CIMIP5: variants seen among roughly 807,000 people sequenced by gnomAD.
CIMIP5 encodes the protein uncharacterized protein C2orf50.
At chr2:11,139,286 C>T in the CIMIP5 span, among the ~76,000 whole-genome samples, 21 of 152,166 alleles carry the variant, frequency 1.4e-4, no homozygotes, top group Non-Finnish European at 2.9e-4. Flanking sequence ...CATAATACAG[C>T]AGTAGAATCC....
At chr2:11,133,288 TC>T in the CIMIP5 span, 1 of 1,532,214 alleles carries the variant, frequency 6.5e-7, no homozygotes. Context: ...CAGGTCTCTC[TC>T]TCTCTCTCTC....
chr2:11,147,671 G>C, the CIMIP5 span, among the ~76,000 whole-genome samples: 2 of 152,212 alleles, frequency 1.3e-5, no homozygotes, highest in Non-Finnish European at 2.9e-5. Flanking sequence ...CAACAGAACT[G>C]TGCAGGCACA....
chr2:11,154,555 G>A, the CIMIP5 span, among the ~76,000 whole-genome samples: 2 of 152,248 alleles, frequency 1.3e-5, no homozygotes, highest in South Asian at 2.1e-4. Context: ...TAATACACAG[G>A]CGATTTTCAG....
the CIMIP5 span, among the ~76,000 whole-genome samples, chr2:11,154,062 C>T: frequency 6.6e-6 from 1 of 152,078 alleles, no homozygotes; most frequent in African/African-American, 2.4e-5. Flanking sequence ...CTGCAACCTC[C>T]GCCTCCTGGG....
At chr2:11,137,230 A>C in the CIMIP5 span, among the ~76,000 whole-genome samples, 5 of 152,104 alleles carry the variant, frequency 3.3e-5, no homozygotes, top group African/African-American at 7.2e-5. Flanking sequence ...AAAATTAGCC[A>C]GGCATGGTAG....
At chr2:11,143,920 GGCAACAAGAA>G in the CIMIP5 span, 36 of 1,580,322 alleles carry the variant, frequency 2.3e-5, no homozygotes, top group Non-Finnish European at 3.1e-5. Context: ...CTCTCCTCAG[GGCAACAAGAA>G]GGAGCCTGAG....
the CIMIP5 span, chr2:11,133,419 TC>T: frequency 6.2e-7 from 1 of 1,611,420 alleles, no homozygotes; most frequent in Non-Finnish European, 8.5e-7. Flanking sequence ...AGCCTCGGTC[TC>T]CCCAGCTGCC....
chr2:11,154,400 G>A, the CIMIP5 span, among the ~76,000 whole-genome samples: 2 of 152,064 alleles, frequency 1.3e-5, no homozygotes, highest in Non-Finnish European at 2.9e-5. Flanking sequence ...TGGAGAGAAA[G>A]AGCCTCGGCC....
chr2:11,143,407 G>A, the CIMIP5 span, among the ~76,000 whole-genome samples: 1,447 of 151,844 alleles, frequency 9.5e-3, 7 homozygotes, highest in Non-Finnish European at 0.015. Flanking sequence ...CTTGGGAGCA[G>A]AGACAGGGGC....
chr2:11,144,247 C>T, the CIMIP5 span: 1 of 652,016 alleles, frequency 1.5e-6, no homozygotes, highest in Admixed American at 3.8e-5. Context: ...GGACACTCTT[C>T]CAGGGGACCC....
chr2:11,143,948 C>T, the CIMIP5 span: 6 of 1,599,514 alleles, frequency 3.8e-6, no homozygotes, highest in Non-Finnish European at 5.1e-6. Context: ...GAGAAGTTGC[C>T]AGACCATGTG....
At chr2:11,133,585 A>G in the CIMIP5 span, 1 of 1,598,714 alleles carries the variant, frequency 6.3e-7, no homozygotes, top group African/African-American at 1.3e-5. Context: ...CGGGGCCAGC[A>G]GCGCTGGTGA....
At chr2:11,135,827 G>A in the CIMIP5 span, among the ~76,000 whole-genome samples, 2 of 152,126 alleles carry the variant, frequency 1.3e-5, no homozygotes, top group Non-Finnish European at 2.9e-5. Flanking sequence ...ACAGGTGTGA[G>A]CCACCGTGTT....
chr2:11,133,520 C>A, the CIMIP5 span: 3 of 1,608,526 alleles, frequency 1.9e-6, no homozygotes, highest in Non-Finnish European at 2.5e-6. Flanking sequence ...AGGGAGCTGC[C>A]TGCGATGGCG....
chr2:11,140,509 G>A, the CIMIP5 span: 1 of 1,561,436 alleles, frequency 6.4e-7, no homozygotes, highest in Non-Finnish European at 8.8e-7. Context: ...TTCCTTTCCA[G>A]GATTCAGAAC....
the CIMIP5 span, among the ~76,000 whole-genome samples, chr2:11,142,578 C>T: frequency 2.0e-5 from 3 of 152,262 alleles, no homozygotes; most frequent in African/African-American, 7.2e-5. Flanking sequence ...GGAGCCACCT[C>T]GGCATGGACT....
the CIMIP5 span, among the ~76,000 whole-genome samples, chr2:11,151,460 G>A: frequency 4.6e-5 from 7 of 152,216 alleles, no homozygotes; most frequent in African/African-American, 1.4e-4. Context: ...ACGTGAAGGT[G>A]TAACCACCTA....
chr2:11,135,104 G>A, the CIMIP5 span, among the ~76,000 whole-genome samples: 20 of 152,244 alleles, frequency 1.3e-4, no homozygotes, highest in South Asian at 6.2e-4. Context: ...ATCCATTACC[G>A]CAAGGATGGC....
the CIMIP5 span, among the ~76,000 whole-genome samples, chr2:11,142,673 CAG>C: frequency 1.8e-3 from 270 of 150,446 alleles, 2 homozygotes; most frequent in African/African-American, 6.3e-3. Flanking sequence ...TAACCCTAAA[CAG>C]GGGCAGGAAG....
Sources: gnomAD v4.1 joint callset for allele counts (sites outside exome capture counted in the v4.1 genomes callset) on GRCh38, gnomAD v4.1.1 for gene constraint, MANE v1.5 for transcripts, NCBI Gene and HGNC (gene_info 2026-07-23, HGNC 2026-07-21) for gene names.